The following MRPL1 variants were observed in gnomAD, a reference collection of about 807,000 sequenced individuals.
The protein encoded by MRPL1 is large ribosomal subunit protein uL1m.
A neutral mutation model predicts 38.0 loss-of-function variants in MRPL1; 28 were observed. The ratio of observed to expected loss-of-function variants is 0.74; its 90% CI spans 0.55 to 1.01. The LOEUF (loss-of-function observed/expected upper bound fraction) is 1.01, where lower values mean the gene tolerates loss of function less well. MRPL1 is among the 50% of genes least tolerant of loss of function. The pLI, the probability that MRPL1 is intolerant of heterozygous loss-of-function variation, is 0.00. For missense variants in MRPL1, 358 were observed against 389.8 expected (o/e 0.92, Z 0.69); for synonymous variants, 123 against 126.7 (o/e 0.97, Z 0.20).
intron 7 of MRPL1, among the ~76,000 whole-genome samples, chr4:77,939,450 G>A (rs1737067069): frequency 6.6e-6 from 1 of 152,086 alleles, no homozygotes; most frequent in Admixed American, 6.5e-5. Flanking sequence ...TCCTTTGTCT[G>A]ATGTATAGAT....
At chr4:77,952,340 C>T (rs1016486279) in intron 8 of MRPL1, 149 bp from the exon 9 acceptor site, 139 of 631,548 alleles carry the variant, frequency 2.2e-4, no homozygotes, top group African/African-American at 1.2e-3. Context: ...AATTAGCCTA[C>T]GGTACAATTG....
chr4:77,909,342 G>A lies in MRPL1; in HGVS notation c.747G>A (p.Arg249=), dbSNP rs781147454. The change falls in exon 7 of 9, where the codon AGG becomes AGA. Residue 249 remains arginine (R), a synonymous_variant. Coordinates refer to ENST00000315567, the MANE Select transcript of MRPL1 (RefSeq NM_020236.4). ...ATGAAATTAAGGTAGATGAAGAAAG[G>A]GAGAACTTTCTCCAGACCAAAATAG... ...NGHEIKVDEE[R]ENFLQTKIAT... The A allele has an allele frequency of 4.4e-6, 7 of 1,605,842 alleles. No homozygotes were observed. The East Asian group carries it at 1.1e-4, about 26-fold the overall frequency.
chr4:77,864,690 G>T (rs1281927075), intron 1 of MRPL1: 4 of 152,094 alleles, frequency 2.6e-5, no homozygotes, highest in Non-Finnish European at 1.5e-5. Context: ...CTCAGCCACC[G>T]CGAACATAGC....
rs760302706 is a variant in MRPL1 at position 77,952,525 on chromosome 4, C to G, written c.896C>G (p.Thr299Arg). 8 of 1,612,992 alleles carry G rather than the reference C, an allele frequency of 5.0e-6. No homozygotes were observed. Among genetic ancestry groups the G allele is most frequent in the South Asian group, 1.1e-5 (1 of 90,880 alleles). ...FVVRAFLRSS[T>R]SEGLLLKIDP... ...GTACGTGCTTTCCTTCGTAGTTCAA[C>G]AAGTGAAGGTTTATTACTGAAGATT... Residue 299 changes from threonine (T) to arginine (R), a missense_variant, in exon 9 of 9, where the codon ACA becomes AGA. Thr to Arg is a moderately conservative substitution (Grantham distance 71, BLOSUM62 -1). Transcript: ENST00000315567.
intron 2 of MRPL1, among the ~76,000 whole-genome samples, chr4:77,882,637 G>A (rs985550331): frequency 3.9e-5 from 6 of 152,136 alleles, no homozygotes; most frequent in African/African-American, 9.7e-5. Context: ...GGGTTCATGC[G>A]TGTTGTAGCA....
chr4:77,886,174 T>C (rs1256297063), intron 4 of MRPL1, among the ~76,000 whole-genome samples: 2 of 152,152 alleles, frequency 1.3e-5, no homozygotes, highest in Non-Finnish European at 2.9e-5. Flanking sequence ...ATTCATGCAT[T>C]CAGTTCTTTT....
At chr4:77,938,222 A>G (rs1276277839) in intron 7 of MRPL1, among the ~76,000 whole-genome samples, 5 of 152,226 alleles carry the variant, frequency 3.3e-5, no homozygotes, top group Non-Finnish European at 7.3e-5. Context: ...GAAATGGAAG[A>G]ATTGTGACAG....
Position 77,871,729 on chromosome 4 carries a change from G to GT in MRPL1, c.32-10dup. 7.9e-7 allele frequency: 1 copy of GT among 1,260,386 alleles called. No individual in the cohort carries two copies. Among genetic ancestry groups the GT allele is most frequent in the Middle Eastern group, 1.9e-4 (1 of 5,162 alleles). 78.1% of individuals were successfully genotyped at this position (1,260,386 alleles called of 1,614,324 possible). On this transcript the variant is annotated splice_polypyrimidine_tract_variant and intron_variant, in intron 1 of 8. Coordinates refer to ENST00000315567, the MANE Select transcript of MRPL1 (RefSeq NM_020236.4). ...ATTATTTAATGTTAATATTTTACAT[G>GT]TTTTTCCTTTCAAGCCTTGATACAT...
chr4:77,914,032 T>A lies in MRPL1; in HGVS notation c.777+4660T>A, dbSNP rs74915926. ...AATTTTGGAAGTGATTGTTATGTTA[T>A]TCTGACTGGTGATTGTTGCATGTGT... On this transcript the variant is annotated intron_variant, in intron 7 of 8. Transcript: ENST00000315567. Among the ~76,000 whole-genome samples the A allele has an allele frequency of 4.8e-4, 73 of 152,308 alleles. No individual in the cohort carries two copies. In the East Asian group the frequency reaches 0.013, roughly 27 times the overall value.
chr4:77,931,909 G>T (rs1736853820), intron 7 of MRPL1, among the ~76,000 whole-genome samples: 1 of 151,950 alleles, frequency 6.6e-6, no homozygotes, highest in Non-Finnish European at 1.5e-5. Flanking sequence ...ACTCTCATCT[G>T]TTCACGCAGC....
intron 7 of MRPL1, among the ~76,000 whole-genome samples, chr4:77,921,140 T>C (rs1736565967): frequency 6.6e-6 from 1 of 152,218 alleles, no homozygotes; most frequent in South Asian, 2.1e-4. Flanking sequence ...GTTCTACATG[T>C]GCTGGCATCT....
chr4:77,947,529 A>G (rs1265168719), intron 7 of MRPL1, among the ~76,000 whole-genome samples: 2 of 152,186 alleles, frequency 1.3e-5, no homozygotes, highest in African/African-American at 4.8e-5. Flanking sequence ...TTATCTCCTC[A>G]AAGTAGTCAT....
chr4:77,896,039 G>T (rs1465181102), intron 6 of MRPL1, among the ~76,000 whole-genome samples: 5 of 151,694 alleles, frequency 3.3e-5, no homozygotes, highest in Non-Finnish European at 7.4e-5. Context: ...TAATATGTTT[G>T]TATTCTAGAT....
chr4:77,908,904 G>A (rs2110247958), intron 6 of MRPL1, among the ~76,000 whole-genome samples: 1 of 152,350 alleles, frequency 6.6e-6, no homozygotes, highest in South Asian at 2.1e-4. Context: ...TTTCTTGCTG[G>A]CTGTTAGCTT....
At chr4:77,919,578 A>C (rs941132829) in intron 7 of MRPL1, among the ~76,000 whole-genome samples, 2 of 152,188 alleles carry the variant, frequency 1.3e-5, no homozygotes, top group African/African-American at 2.4e-5. Context: ...TGGTAATCAA[A>C]GAATGGAACT....
intron 1 of MRPL1, among the ~76,000 whole-genome samples, chr4:77,866,999 G>T (rs991779575): frequency 3.3e-5 from 5 of 151,978 alleles, no homozygotes; most frequent in Non-Finnish European, 7.4e-5. Context: ...TCCCACCTCG[G>T]CCTCCCAAAG....
chr4:77,887,959 A>C (rs1019233485), intron 5 of MRPL1, among the ~76,000 whole-genome samples: 1 of 152,186 alleles, frequency 6.6e-6, no homozygotes, highest in Non-Finnish European at 1.5e-5. Flanking sequence ...TGTAAGGTTT[A>C]AAATGAAATC....
chr4:77,916,851 G>A (rs1380846634), intron 7 of MRPL1, among the ~76,000 whole-genome samples: 1 of 152,068 alleles, frequency 6.6e-6, no homozygotes. Flanking sequence ...TAGAAATAGA[G>A]TATATGTTGA....
chr4:77,940,328 T>C (rs999833448), intron 7 of MRPL1, among the ~76,000 whole-genome samples: 2 of 152,198 alleles, frequency 1.3e-5, no homozygotes, highest in Non-Finnish European at 2.9e-5. Context: ...GGTTGAGTTC[T>C]TGACTTGATT....
Sources: allele counts gnomAD v4.1 joint callset (sites outside exome capture counted in the v4.1 genomes callset), GRCh38; gene constraint gnomAD v4.1.1; transcripts MANE v1.5; gene names NCBI Gene and HGNC (gene_info 2026-07-23, HGNC 2026-07-21).